The following NARS2 variants were observed in gnomAD, a reference collection of about 807,000 sequenced individuals.
NARS2 encodes the protein asparaginyl-tRNA synthetase 2, mitochondrial, also known as asparaginyl-tRNA synthetase.
In NARS2, 60 loss-of-function variants were observed where a neutral mutation model predicts 62.9. That is an observed-to-expected ratio of 0.95 (90% CI 0.77 to 1.18). The LOEUF is 1.18. NARS2 is among the 50% of genes most tolerant of loss of function. The pLI is 0.00. For missense variants in NARS2, 619 were observed against 576.4 expected, an observed-to-expected ratio of 1.07 and a Z score of -0.76; for synonymous variants, 196 against 200.0, an observed-to-expected ratio of 0.98 and a Z score of 0.17.
At chr11:78,532,789 G>C (rs900214962) in intron 5 of NARS2, among the ~76,000 whole-genome samples, 1 of 152,172 alleles carries the variant, frequency 6.6e-6, no homozygotes, top group African/African-American at 2.4e-5. Context: ...CTACCAAATT[G>C]ATAGGGATGC....
intron 13 of NARS2, 28 bp downstream of exon 13, chr11:78,441,060 GAGT>G (rs1472393179): frequency 1.2e-6 from 2 of 1,603,172 alleles, no homozygotes; most frequent in Non-Finnish European, 1.7e-6. Flanking sequence ...CAAGCAGCTA[GAGT>G]AAGAATTATT....
At chr11:78,559,729 C>A in intron 4 of NARS2, 110 bp from the exon 5 acceptor site, 1 of 705,762 alleles carries the variant, frequency 1.4e-6, no homozygotes, top group Non-Finnish European at 2.5e-6. Flanking sequence ...TGTATCAAAT[C>A]CCTCCCTAAT....
At chr11:78,441,899 A>G (rs1857587823) in intron 12 of NARS2, among the ~76,000 whole-genome samples, 2 of 152,218 alleles carry the variant, frequency 1.3e-5, no homozygotes. Flanking sequence ...AAAATTTTAA[A>G]TTCTTAGTGG....
At chr11:78,530,844 A>C (rs942394478) in intron 5 of NARS2, among the ~76,000 whole-genome samples, 20 of 152,172 alleles carry the variant, frequency 1.3e-4, no homozygotes, top group African/African-American at 4.8e-4. Flanking sequence ...TCTTTAATTC[A>C]ACTTATTTAA....
chr11:78,445,120 G>A (rs758677213), intron 11 of NARS2, among the ~76,000 whole-genome samples: 3 of 152,092 alleles, frequency 2.0e-5, no homozygotes, highest in African/African-American at 7.2e-5. Context: ...ACTGTGATGA[G>A]ATTACAAGTA....
chr11:78,462,928 G>T (rs1858453338), intron 11 of NARS2, among the ~76,000 whole-genome samples: 1 of 152,092 alleles, frequency 6.6e-6, no homozygotes, highest in Admixed American at 6.6e-5. Flanking sequence ...GTAAAGTGTA[G>T]TTTTTGGGCC....
At chr11:78,495,078 C>T (rs897849823) in intron 6 of NARS2, among the ~76,000 whole-genome samples, 3 of 152,196 alleles carry the variant, frequency 2.0e-5, no homozygotes, top group Non-Finnish European at 2.9e-5. Context: ...TGGTGTCTGG[C>T]ACCTGTCTTC....
At chr11:78,544,536 G>A (rs1855770771) in intron 5 of NARS2, among the ~76,000 whole-genome samples, 1 of 152,176 alleles carries the variant, frequency 6.6e-6, no homozygotes. Flanking sequence ...GCTCATGCCT[G>A]TAATCCCAGC....
At chr11:78,539,514 G>C (rs965776031) in intron 5 of NARS2, among the ~76,000 whole-genome samples, 3 of 152,176 alleles carry the variant, frequency 2.0e-5, no homozygotes, top group African/African-American at 7.2e-5. Context: ...ATGCATATTA[G>C]ACATCAAAGG....
intron 13 of NARS2, 29 bp downstream of exon 13, chr11:78,441,062 G>A: frequency 6.2e-7 from 1 of 1,606,286 alleles, no homozygotes; most frequent in Non-Finnish European, 8.5e-7. Context: ...AGCAGCTAGA[G>A]TAAGAATTAT....
At chr11:78,500,424 T>G (rs1860236861) in intron 6 of NARS2, among the ~76,000 whole-genome samples, 1 of 152,194 alleles carries the variant, frequency 6.6e-6, no homozygotes. Flanking sequence ...CAAAGTTACT[T>G]TTTGTCTCCT....
chr11:78,468,310 GAAAAAAA>G (rs764254167), intron 10 of NARS2, among the ~76,000 whole-genome samples: 1,396 of 67,444 alleles, frequency 0.021, 47 homozygotes, highest in African/African-American at 0.077. Context: ...CACTAAATCT[GAAAAAAA>G]AAAAAAAAAA....
At position 78,521,166 on chromosome 11, in the gene NARS2, CTT is replaced by C. The variant is rs965232875; in HGVS notation, c.689+7674_689+7675del. On this transcript the variant is annotated intron_variant, in intron 6 of 13. Transcript: ENST00000281038. ...ATTTGTTTTCTTATTCTCTCTCTTT[CTT>C]TTTTTTTTTTTTAAGAGGTGGGGTT... is the stretch of plus-strand genomic sequence containing the variant. Among the ~76,000 whole-genome samples the C allele has an allele frequency of 5.8e-3, 779 of 135,276 alleles. 6 individuals carry two copies. Among genetic ancestry groups the C allele is most frequent in the African/African-American group, 0.02 (740 of 36,192 alleles). The allele number at this position is 135,276 out of a possible 152,430, so 88.7% of individuals were successfully genotyped here.
chr11:78,571,625 A>G, intron 1 of NARS2, 181 bp from the exon 2 acceptor site: 2 of 503,314 alleles, frequency 4.0e-6, no homozygotes, highest in East Asian at 5.9e-5. Flanking sequence ...TAGGATACAC[A>G]CTTTGGTATT....
intron 6 of NARS2, among the ~76,000 whole-genome samples, chr11:78,505,309 C>T (rs1292884311): frequency 2.2e-5 from 3 of 133,692 alleles, no homozygotes; most frequent in Non-Finnish European, 4.8e-5. Context: ...CACACACACA[C>T]ACACACACAC....
chr11:78,476,533 G>A (rs373915217), intron 9 of NARS2, among the ~76,000 whole-genome samples: 9 of 152,186 alleles, frequency 5.9e-5, no homozygotes, highest in African/African-American at 1.4e-4. Context: ...GTCCATCTGC[G>A]TGTCTCAATT....
At chr11:78,535,124 A>G (rs1248913026) in intron 5 of NARS2, among the ~76,000 whole-genome samples, 1 of 152,260 alleles carries the variant, frequency 6.6e-6, no homozygotes, top group Non-Finnish European at 1.5e-5. Context: ...CTGGGTAGCC[A>G]TATAACTGTA....
At chr11:78,504,538 T>C (rs920961521) in intron 6 of NARS2, among the ~76,000 whole-genome samples, 1 of 151,820 alleles carries the variant, frequency 6.6e-6, no homozygotes, top group African/African-American at 2.4e-5. Flanking sequence ...CGAATACATG[T>C]GACTAAGCTT....
chr11:78,574,569 G>C lies in NARS2; in HGVS notation c.-81C>G. 1 of 1,451,712 alleles carries C rather than the reference G, an allele frequency of 6.9e-7. No individual in the cohort carries two copies. Among genetic ancestry groups the C allele is most frequent in the Non-Finnish European group, 9.1e-7 (1 of 1,095,226 alleles). The allele number at this position is 1,451,712 out of a possible 1,614,324, so 89.9% of individuals were successfully genotyped here. Reference sequence around the variant, plus strand: ...CGCCTGCAGCGGCCCTCCTTTCTCAGCTGCTCCCCTTCCGCGGCCGCAGCT... The same window carrying C: ...CGCCTGCAGCGGCCCTCCTTTCTCACCTGCTCCCCTTCCGCGGCCGCAGCT... On this transcript the variant is annotated 5_prime_UTR_variant, in exon 1 of 14. Transcript: ENST00000281038.
Sources: gnomAD v4.1 joint callset for allele counts (sites outside exome capture counted in the v4.1 genomes callset) on GRCh38, gnomAD v4.1.1 for gene constraint, MANE v1.5 for transcripts, NCBI Gene and HGNC (gene_info 2026-07-23, HGNC 2026-07-21) for gene names.